TXNDC9: variants seen among roughly 807,000 people sequenced by gnomAD.
The protein encoded by TXNDC9 is thioredoxin domain containing 9.
TXNDC9 carries 7 observed loss-of-function variants against 23.0 expected under a neutral mutation model. The observed-to-expected ratio is 0.30, with a 90% CI of 0.17 to 0.57. The LOEUF is 0.57. TXNDC9 is among the 20% of genes least tolerant of loss of function. TXNDC9 has a pLI of 0.90. For missense variants in TXNDC9, 198 were observed against 252.6 expected, an observed-to-expected ratio of 0.78 and a Z score of 1.47; for synonymous variants, 72 against 90.6, an observed-to-expected ratio of 0.79 and a Z score of 1.17.
At chr2:99,320,881 A>C (rs984065591) in intron 4 of TXNDC9, among the ~76,000 whole-genome samples, 1 of 152,138 alleles carries the variant, frequency 6.6e-6, no homozygotes, top group African/African-American at 2.4e-5. Context: ...GATTCGTTGT[A>C]CTAGTCTGCA....
At chr2:99,308,305 G>C in the TXNDC9 span, among the ~76,000 whole-genome samples, 711 of 152,154 alleles carry the variant, frequency 4.7e-3, 6 homozygotes, top group African/African-American at 0.017. Context: ...GGTAATTATT[G>C]ATTACAATCC....
intron 1 of TXNDC9, among the ~76,000 whole-genome samples, chr2:99,335,761 TAAG>T (rs999468109): frequency 2.6e-5 from 4 of 152,272 alleles, no homozygotes; most frequent in Admixed American, 2.6e-4. Context: ...AAGACGAGAT[TAAG>T]AAGAGCTATT....
the TXNDC9 span, among the ~76,000 whole-genome samples, chr2:99,306,584 C>T: frequency 1.3e-5 from 2 of 152,146 alleles, no homozygotes; most frequent in Non-Finnish European, 2.9e-5. Flanking sequence ...GGGAAGGAAT[C>T]CTTCCTGGAA....
rs368467878 is a variant in TXNDC9, at chr2:99,329,191, T to A, written c.190-1538A>T. On this transcript the variant is annotated intron_variant, in intron 2 of 4. Coordinates refer to ENST00000264255, the MANE Select transcript of TXNDC9 (RefSeq NM_005783.4). ...TATATCCATAATTCTGGTCTGTGGATTCCAGCTTGGATAAAGATTAAAGTT... is the reference window on the plus strand; with the variant it reads ...TATATCCATAATTCTGGTCTGTGGAATCCAGCTTGGATAAAGATTAAAGTT... Among the ~76,000 whole-genome samples, 10 of 152,320 alleles carry A rather than the reference T, an allele frequency of 6.6e-5. No individual in the cohort carries two copies. The East Asian group carries it at 1.2e-3, about 18-fold the overall frequency.
chr2:99,328,861 C>T (rs1005639628), intron 2 of TXNDC9, among the ~76,000 whole-genome samples: 5 of 151,256 alleles, frequency 3.3e-5, no homozygotes, highest in Non-Finnish European at 5.9e-5. Flanking sequence ...TGGTGGTAGG[C>T]GCCTGTAATC....
chr2:99,322,179 T>C lies in TXNDC9; in HGVS notation c.339A>G (p.Ile113Met). ...TGGTCTCGAGGTGTTTCTTGGACAATATTGCCAGATGTCTGTCTAGTATTT... is the reference window on the plus strand; with the variant it reads ...TGGTCTCGAGGTGTTTCTTGGACAACATTGCCAGATGTCTGTCTAGTATTT... Reference protein sequence around the residue: ...RCKILDRHLAILSKKHLETKF... With the variant: ...RCKILDRHLAMLSKKHLETKF... Residue 113 changes from isoleucine to methionine, a missense_variant, in exon 4 of 5, where the codon ATA (isoleucine) becomes ATG (methionine). Transcript: ENST00000264255. 6.2e-7 allele frequency: 1 copy of C among 1,614,148 alleles called. No homozygotes were observed. Among genetic ancestry groups the C allele is most frequent in the Non-Finnish European group, 8.5e-7 (1 of 1,180,008 alleles).
At chr2:99,310,171 A>T in the TXNDC9 span, among the ~76,000 whole-genome samples, 3 of 152,266 alleles carry the variant, frequency 2.0e-5, no homozygotes, top group African/African-American at 7.2e-5. Flanking sequence ...AAAAATAAAT[A>T]GGTCTTTGAG....
chr2:99,327,376 GCTTAA>G (rs1175794978), intron 3 of TXNDC9, among the ~76,000 whole-genome samples, 154 bp downstream of exon 3: 2 of 151,976 alleles, frequency 1.3e-5, no homozygotes, highest in Non-Finnish European at 2.9e-5. Flanking sequence ...GCCCCTGCCT[GCTTAA>G]CTTAATACTA....
chr2:99,331,485 G>A (rs1249625098), intron 2 of TXNDC9, among the ~76,000 whole-genome samples: 1 of 149,164 alleles, frequency 6.7e-6, no homozygotes, highest in African/African-American at 2.5e-5. Flanking sequence ...AAGGCAGGAT[G>A]GGCAACAGAG....
At chr2:99,336,106 G>GC in intron 1 of TXNDC9, 133 bp downstream of exon 1, 1 of 799,304 alleles carries the variant, frequency 1.3e-6, no homozygotes, top group Non-Finnish European at 1.5e-6. Context: ...GTGCGCTTGC[G>GC]CAAGAGCCTC....
At chr2:99,317,847 T>A (rs1344205049), downstream of TXNDC9, among the ~76,000 whole-genome samples, 2 of 152,100 alleles carry the variant, frequency 1.3e-5, no homozygotes, top group African/African-American at 4.8e-5. Flanking sequence ...TTCAGGCCCC[T>A]GTAGAGTATC....
At chr2:99,312,516 AAG>A in the TXNDC9 span, among the ~76,000 whole-genome samples, 6 of 152,132 alleles carry the variant, frequency 3.9e-5, no homozygotes, top group East Asian at 9.7e-4. Flanking sequence ...AAAAAAAAGA[AAG>A]AAAATATTTT....
chr2:99,331,879 G>A (rs533722666), intron 2 of TXNDC9, among the ~76,000 whole-genome samples: 7 of 152,108 alleles, frequency 4.6e-5, no homozygotes, highest in Admixed American at 2.0e-4. Context: ...ACAGGTGTGC[G>A]CCACCACACC....
chr2:99,309,627 A>C, the TXNDC9 span, among the ~76,000 whole-genome samples: 2 of 152,034 alleles, frequency 1.3e-5, no homozygotes, highest in African/African-American at 4.8e-5. Context: ...TGAGGTCAGG[A>C]GTTCGAGACC....
intron 3 of TXNDC9, 64 bp from the exon 4 acceptor site, chr2:99,322,273 T>G: frequency 6.5e-7 from 1 of 1,549,200 alleles, no homozygotes; most frequent in Non-Finnish European, 8.7e-7. Context: ...TCAAAATAAA[T>G]ATCATCAAGG....
chr2:99,334,608 C>T (rs888477098), intron 1 of TXNDC9, among the ~76,000 whole-genome samples: 1 of 151,994 alleles, frequency 6.6e-6, no homozygotes, highest in Non-Finnish European at 1.5e-5. Context: ...AGAAAAGGTA[C>T]GATAAATACA....
intron 2 of TXNDC9, among the ~76,000 whole-genome samples, chr2:99,330,428 C>T (rs2094222131): frequency 2.0e-5 from 3 of 151,614 alleles, no homozygotes; most frequent in Admixed American, 2.0e-4. Context: ...CAAACCTCTA[C>T]CAATGCTCAG....
intron 2 of TXNDC9, among the ~76,000 whole-genome samples, chr2:99,331,785 A>T (rs1431028221): frequency 1.3e-5 from 2 of 152,162 alleles, no homozygotes; most frequent in Non-Finnish European, 2.9e-5. Flanking sequence ...GCTGGAGTGC[A>T]GTAGCACAAT....
chr2:99,327,683 ATG>A (rs2094215706), intron 2 of TXNDC9, 30 bp from the exon 3 acceptor site: 1 of 1,353,642 alleles, frequency 7.4e-7, no homozygotes, highest in East Asian at 2.3e-5. Flanking sequence ...AACATTACAC[ATG>A]TGAGATATCT....
Sources: gnomAD v4.1 joint callset for allele counts (sites outside exome capture counted in the v4.1 genomes callset) on GRCh38, gnomAD v4.1.1 for gene constraint, MANE v1.5 for transcripts, NCBI Gene and HGNC (gene_info 2026-07-23, HGNC 2026-07-21) for gene names.